SGCD: variants seen among roughly 807,000 people sequenced by gnomAD.
The protein encoded by SGCD is sarcoglycan delta, also known as delta-sarcoglycan.
In SGCD, 18 loss-of-function variants were observed where a neutral mutation model predicts 36.6. That is an observed-to-expected ratio of 0.49 (90% confidence interval 0.34 to 0.73). The LOEUF (loss-of-function observed/expected upper bound fraction) is 0.73. Ranked by LOEUF, SGCD falls within the 30% of genes least tolerant of loss-of-function variation. The pLI is 0.01. For missense variants in SGCD, 387 were observed against 346.7 expected (o/e 1.12, Z -0.92); for synonymous variants, 133 against 130.6 (o/e 1.02, Z -0.12).
chr5:156,702,093 G>A (rs572803301), intron 7 of SGCD, among the ~76,000 whole-genome samples: 1 of 152,256 alleles, frequency 6.6e-6, no homozygotes, highest in Non-Finnish European at 1.5e-5. Flanking sequence ...GGCTTATGCA[G>A]GTAAAGTTCT....
chr5:156,628,345 C>A (rs1262795453), intron 6 of SGCD, among the ~76,000 whole-genome samples: 1 of 152,168 alleles, frequency 6.6e-6, no homozygotes, highest in Non-Finnish European at 1.5e-5. Context: ...TGGCAAGAGC[C>A]AACTTGGTTC....
intron 7 of SGCD, among the ~76,000 whole-genome samples, chr5:156,721,117 G>A (rs955209051): frequency 6.6e-6 from 1 of 152,200 alleles, no homozygotes; most frequent in Non-Finnish European, 1.5e-5. Flanking sequence ...GGCTCTGGTG[G>A]GGCCTAGGCC....
At chr5:156,278,284 G>T (rs1195762877) in intron 3 of SGCD, among the ~76,000 whole-genome samples, 1 of 152,158 alleles carries the variant, frequency 6.6e-6, no homozygotes, top group Non-Finnish European at 1.5e-5. Context: ...TGTTCTAAAG[G>T]AGTGGAATGT....
At chr5:155,824,283 C>T in the SGCD span, among the ~76,000 whole-genome samples, 4 of 152,124 alleles carry the variant, frequency 2.6e-5, no homozygotes, top group African/African-American at 9.7e-5. Context: ...TGATAAGTTG[C>T]CTCATTTGTA....
At chr5:156,105,899 T>C (rs1761633807) in intron 1 of SGCD, among the ~76,000 whole-genome samples, 1 of 151,580 alleles carries the variant, frequency 6.6e-6, no homozygotes. Flanking sequence ...GATAACGAGA[T>C]CAGGAGTTCA....
At chr5:155,769,138 G>A in the SGCD span, among the ~76,000 whole-genome samples, 2 of 152,034 alleles carry the variant, frequency 1.3e-5, no homozygotes, top group Non-Finnish European at 2.9e-5. Context: ...AATATATACA[G>A]TAAAAAATGT....
intron 6 of SGCD, among the ~76,000 whole-genome samples, chr5:156,641,402 A>G (rs1426725897): frequency 6.6e-6 from 1 of 152,190 alleles, no homozygotes; most frequent in East Asian, 1.9e-4. Context: ...TTTAGCTAAA[A>G]CTTTGGAGTA....
intron 1 of SGCD, among the ~76,000 whole-genome samples, chr5:156,018,149 C>G (rs923472053): frequency 6.6e-6 from 1 of 152,074 alleles, no homozygotes; most frequent in African/African-American, 2.4e-5. Context: ...CGGTGAGACC[C>G]TGTCTTAGTA....
chr5:156,131,241 C>T (rs1247972432), intron 3 of SGCD, among the ~76,000 whole-genome samples: 2 of 152,122 alleles, frequency 1.3e-5, no homozygotes, highest in East Asian at 3.9e-4. Context: ...GAGGCAATGT[C>T]ATTTAATAAA....
chr5:156,115,394 C>A (rs1209986577), intron 1 of SGCD, among the ~76,000 whole-genome samples: 2 of 152,052 alleles, frequency 1.3e-5, no homozygotes, highest in Non-Finnish European at 1.5e-5. Flanking sequence ...GAAATCCTAT[C>A]TACCCATAAG....
At chr5:156,647,048 C>G (rs538505332) in intron 6 of SGCD, among the ~76,000 whole-genome samples, 2 of 152,162 alleles carry the variant, frequency 1.3e-5, no homozygotes. Context: ...TAACCCACTG[C>G]GTAGATGTCA....
At chr5:156,642,710 G>A (rs937251911) in intron 6 of SGCD, among the ~76,000 whole-genome samples, 21 of 151,692 alleles carry the variant, frequency 1.4e-4, no homozygotes, top group African/African-American at 4.6e-4. Flanking sequence ...GTCATGATCC[G>A]CCTGCCTCAG....
the SGCD span, among the ~76,000 whole-genome samples, chr5:155,744,404 G>T: frequency 6.6e-6 from 1 of 152,062 alleles, no homozygotes; most frequent in African/African-American, 2.4e-5. Context: ...AGGTTGCAGT[G>T]GGCTGAGATC....
chr5:156,602,804 G>C (rs1409125722), intron 6 of SGCD, among the ~76,000 whole-genome samples: 1 of 152,094 alleles, frequency 6.6e-6, no homozygotes, highest in Non-Finnish European at 1.5e-5. Flanking sequence ...CTTGGTCATA[G>C]TGAATAATCT....
chr5:156,146,251 T>C (rs987026585), intron 3 of SGCD, among the ~76,000 whole-genome samples: 5 of 152,182 alleles, frequency 3.3e-5, no homozygotes, highest in African/African-American at 1.2e-4. Flanking sequence ...TTTTTTGCTT[T>C]AGAGGTTATG....
chr5:155,728,843 A>C, the SGCD span, among the ~76,000 whole-genome samples: 48 of 152,266 alleles, frequency 3.2e-4, no homozygotes, highest in Admixed American at 5.9e-4. Flanking sequence ...CTCGCCACCC[A>C]TGGGATCGAC....
chr5:156,369,811 T>C (rs1282250501), intron 3 of SGCD, among the ~76,000 whole-genome samples: 5 of 152,120 alleles, frequency 3.3e-5, no homozygotes, highest in Non-Finnish European at 1.5e-5. Context: ...AATGGATTGA[T>C]GTGGGAAAAA....
At chr5:156,742,268 A>G (rs1452029541) in intron 7 of SGCD, among the ~76,000 whole-genome samples, 1 of 151,972 alleles carries the variant, frequency 6.6e-6, no homozygotes, top group African/African-American at 2.4e-5. Flanking sequence ...TACACCTCCC[A>G]CTTTACTATC....
At chr5:156,448,487 A>G (rs1419836277) in intron 3 of SGCD, among the ~76,000 whole-genome samples, 3 of 152,104 alleles carry the variant, frequency 2.0e-5, no homozygotes, top group Admixed American at 6.6e-5. Flanking sequence ...CAGCCTCTCC[A>G]TGGAACAGCT....
Sources: allele counts gnomAD v4.1 joint callset (sites outside exome capture counted in the v4.1 genomes callset), GRCh38; gene constraint gnomAD v4.1.1; transcripts MANE v1.5; gene names NCBI Gene and HGNC (gene_info 2026-07-23, HGNC 2026-07-21).